SPAG16: variants seen among roughly 807,000 people sequenced by gnomAD.
SPAG16 encodes sperm associated antigen 16.
SPAG16 carries 86 observed loss-of-function variants against 80.4 expected under a neutral mutation model. The ratio of observed to expected loss-of-function variants is 1.07; its 90% CI spans 0.90 to 1.28. The LOEUF (loss-of-function observed/expected upper bound fraction) is 1.28, where lower values mean the gene tolerates loss of function less well. Among genes scored for constraint, SPAG16 ranks in the 50% most tolerant of loss-of-function variants. SPAG16 has a pLI of 0.00. For missense variants in SPAG16, 870 were observed against 765.3 expected (o/e 1.14, Z -1.61); for synonymous variants, 294 against 265.9 (o/e 1.11, Z -1.03).
intron 15 of SPAG16, among the ~76,000 whole-genome samples, chr2:214,167,268 C>T (rs148868842): frequency 4.6e-5 from 7 of 152,116 alleles, no homozygotes; most frequent in East Asian, 1.9e-4. Context: ...CTACTTGTGC[C>T]GCTCTCCTTG....
chr2:213,753,290 G>T (rs1210831095), intron 10 of SPAG16, among the ~76,000 whole-genome samples: 1 of 152,180 alleles, frequency 6.6e-6, no homozygotes, highest in East Asian at 1.9e-4. Context: ...GGGATTACAC[G>T]TGTGAGCTGC....
At chr2:213,365,260 TG>T (rs1172346485) in intron 8 of SPAG16, 1 of 152,116 alleles carries the variant, frequency 6.6e-6, no homozygotes, top group African/African-American at 2.4e-5. Context: ...AAGCAATAAA[TG>T]GAAACCTACC....
At chr2:213,312,201 C>T (rs2126121401) in intron 4 of SPAG16, among the ~76,000 whole-genome samples, 1 of 151,674 alleles carries the variant, frequency 6.6e-6, no homozygotes, top group Non-Finnish European at 1.5e-5. Context: ...TATTCTCTGA[C>T]CCTTTACAGA....
intron 15 of SPAG16, among the ~76,000 whole-genome samples, chr2:214,159,865 C>T (rs192361377): frequency 1.2e-4 from 19 of 152,010 alleles, no homozygotes; most frequent in African/African-American, 3.6e-4. Context: ...ACATACATTT[C>T]AGACCATGTC....
intron 9 of SPAG16, among the ~76,000 whole-genome samples, chr2:213,397,894 C>G (rs940752738): frequency 6.6e-6 from 1 of 152,114 alleles, no homozygotes; most frequent in African/African-American, 2.4e-5. Flanking sequence ...GAGATCTCTT[C>G]TCTGAACTCT....
At chr2:213,702,378 G>T (rs6435789) in intron 10 of SPAG16, among the ~76,000 whole-genome samples, 11,053 of 152,202 alleles carry the variant, frequency 0.073, 1,243 homozygotes, top group African/African-American at 0.24. Flanking sequence ...AAATCTTGCT[G>T]CTGCTGTTTG....
intron 10 of SPAG16, among the ~76,000 whole-genome samples, chr2:213,702,781 A>T (rs1170689762): frequency 6.6e-6 from 1 of 152,146 alleles, no homozygotes; most frequent in Non-Finnish European, 1.5e-5. Context: ...CTGTTCTTTG[A>T]AAAGGCCTAT....
rs944117839 is a variant in SPAG16 at position 213,970,565 on chromosome 2, G to T, written c.1400+40420G>T. Among the ~76,000 whole-genome samples the T allele has an allele frequency of 1.6e-4, 24 of 152,134 alleles. 1 individual carries two copies. Among genetic ancestry groups the T allele is most frequent in the Non-Finnish European group, 1.5e-5 (1 of 68,020 alleles). On this transcript the variant is annotated intron_variant, in intron 12 of 15. Coordinates refer to ENST00000331683, the MANE Select transcript of SPAG16 (RefSeq NM_024532.5). ...AATCTGCCCAATTTGGCCTCCCAAAGCACTGGTTTACAGGTGTGAACCACC... is the reference window on the plus strand; with the variant it reads ...AATCTGCCCAATTTGGCCTCCCAAATCACTGGTTTACAGGTGTGAACCACC...
chr2:214,183,400 A>G (rs1035421723), intron 15 of SPAG16, among the ~76,000 whole-genome samples: 2 of 151,912 alleles, frequency 1.3e-5, no homozygotes, highest in Non-Finnish European at 2.9e-5. Context: ...AAGAGCTACT[A>G]TTATTGGTGT....
intron 10 of SPAG16, among the ~76,000 whole-genome samples, chr2:213,713,876 G>C (rs2066115899): frequency 6.6e-6 from 1 of 152,168 alleles, no homozygotes; most frequent in Admixed American, 6.5e-5. Context: ...GCTGTTGAAA[G>C]GGGAAATTGA....
At chr2:213,760,158 A>T (rs945198738) in intron 10 of SPAG16, among the ~76,000 whole-genome samples, 2 of 152,244 alleles carry the variant, frequency 1.3e-5, no homozygotes, top group Non-Finnish European at 2.9e-5. Context: ...AGATTTTTTT[A>T]AAAAAGATCT....
chr2:213,710,358 A>C (rs1023018071), intron 10 of SPAG16, among the ~76,000 whole-genome samples: 3 of 152,158 alleles, frequency 2.0e-5, no homozygotes, highest in Non-Finnish European at 4.4e-5. Flanking sequence ...GTAATTCATA[A>C]ACAATTACGT....
chr2:213,681,337 A>T (rs1441315975), intron 10 of SPAG16, among the ~76,000 whole-genome samples: 7 of 152,232 alleles, frequency 4.6e-5, no homozygotes, highest in African/African-American at 1.7e-4. Context: ...ATGCGAATTT[A>T]TGGTTGTCAG....
At chr2:214,002,173 C>A (rs2046821079) in intron 12 of SPAG16, among the ~76,000 whole-genome samples, 1 of 152,176 alleles carries the variant, frequency 6.6e-6, no homozygotes, top group Non-Finnish European at 1.5e-5. Context: ...ATTATGGGAA[C>A]TCCAATTCAA....
At chr2:214,206,326 C>G (rs2058144399) in intron 15 of SPAG16, among the ~76,000 whole-genome samples, 1 of 152,142 alleles carries the variant, frequency 6.6e-6, no homozygotes, top group South Asian at 2.1e-4. Flanking sequence ...TCCCCTCTAC[C>G]TTCATGAGAT....
chr2:213,969,692 T>A (rs1007859782), intron 12 of SPAG16, among the ~76,000 whole-genome samples: 2 of 152,206 alleles, frequency 1.3e-5, no homozygotes, highest in Non-Finnish European at 2.9e-5. Flanking sequence ...TACATTTATC[T>A]TTTTTTATAA....
intron 10 of SPAG16, among the ~76,000 whole-genome samples, chr2:213,572,901 G>A (rs1465294104): frequency 1.3e-5 from 2 of 152,200 alleles, no homozygotes; most frequent in Non-Finnish European, 2.9e-5. Context: ...CTCCGTGGGC[G>A]TAGGACCCTC....
chr2:214,310,988 A>C (rs1275761946), intron 15 of SPAG16, among the ~76,000 whole-genome samples: 1 of 152,142 alleles, frequency 6.6e-6, no homozygotes, highest in Non-Finnish European at 1.5e-5. Flanking sequence ...CAGCTATCCC[A>C]AAAAATGCTG....
At chr2:213,786,949 A>T (rs1454009804) in intron 10 of SPAG16, among the ~76,000 whole-genome samples, 2 of 152,164 alleles carry the variant, frequency 1.3e-5, no homozygotes, top group Non-Finnish European at 2.9e-5. Context: ...AAAATGATAT[A>T]AGTGGTATGG....
Sources: gnomAD v4.1 joint callset for allele counts (sites outside exome capture counted in the v4.1 genomes callset) on GRCh38, gnomAD v4.1.1 for gene constraint, MANE v1.5 for transcripts, NCBI Gene and HGNC (gene_info 2026-07-23, HGNC 2026-07-21) for gene names.